Variants in PPP2R3C observed in about 807,000 individuals in gnomAD.
The protein encoded by PPP2R3C is serine/threonine-protein phosphatase 2A regulatory subunit B'' subunit gamma.
PPP2R3C carries 47 observed loss-of-function variants against 63.7 expected under a neutral mutation model. The ratio of observed to expected loss-of-function variants is 0.74; its 90% CI spans 0.58 to 0.94. The LOEUF is 0.94. PPP2R3C is among the 40% of genes least tolerant of loss of function. The probability of loss-of-function intolerance (pLI) is 0.00; values close to 1 mark genes in which losing one functional copy is unlikely to be tolerated. For synonymous variants in PPP2R3C, 180 were observed against 177.4 expected, an observed-to-expected ratio of 1.01 and a Z score of -0.12; for missense variants, 421 against 518.4, an observed-to-expected ratio of 0.81 and a Z score of 1.82.
Position 35,107,379 on chromosome 14 carries a change from CAATA to C in PPP2R3C, c.503-9_503-6del. 4 of 1,594,372 alleles carry C rather than the reference CAATA, an allele frequency of 2.5e-6. No individual in the cohort carries two copies. Among genetic ancestry groups the C allele is most frequent in the Non-Finnish European group, 2.6e-6 (3 of 1,162,412 alleles). ...TTCTTGTTTGATGAAGCCAAACTGA[CAATA>C]AACAAGAAAATGAAAGTAATTCTTA... On this transcript the variant is annotated splice_polypyrimidine_tract_variant and splice_region_variant and intron_variant, in intron 5 of 12. Transcript: ENST00000261475.
chr14:35,110,455 T>A, intron 3 of PPP2R3C, 70 bp downstream of exon 3: 1 of 1,059,466 alleles, frequency 9.4e-7, no homozygotes, highest in Non-Finnish European at 1.4e-6. Context: ...CACCAAGAAA[T>A]CCTGCATGAT....
intron 1 of PPP2R3C, chr14:35,117,196 C>CA (rs768689246): frequency 1.5e-4 from 69 of 453,728 alleles, no homozygotes; most frequent in Non-Finnish European, 2.7e-5. Flanking sequence ...AGAAAACAAA[C>CA]AAAAAAACTC....
At chr14:35,089,667 T>A (rs760896634) in intron 11 of PPP2R3C, among the ~76,000 whole-genome samples, 1 of 93,192 alleles carries the variant, frequency 1.1e-5, no homozygotes. Flanking sequence ...GATTTTTTAA[T>A]TTTTTTTTTT....
At chr14:35,114,348 G>A (rs1263870383) in intron 2 of PPP2R3C, among the ~76,000 whole-genome samples, 4 of 152,074 alleles carry the variant, frequency 2.6e-5, no homozygotes, top group African/African-American at 7.2e-5. Flanking sequence ...TTCTTAAAAG[G>A]TTGAGAAGTA....
rs567941907 is a variant in PPP2R3C at position 35,095,689 on chromosome 14, A to AAC, written c.839-506_839-505insGT. On this transcript the variant is annotated intron_variant, in intron 9 of 12. Transcript: ENST00000261475. ...CCGTCTCTACTAAAAAAAAAAACAA[A>AAC]AAAAAAAAACATTAGCCGGGTGTGG... 1.6e-3 allele frequency among the ~76,000 whole-genome samples: 244 copies of AAC among 150,990 alleles called. 1 individual carries two copies. The highest frequency in any genetic ancestry group is 2.7e-3 in the Non-Finnish European group (179 of 67,492).
intron 11 of PPP2R3C, among the ~76,000 whole-genome samples, chr14:35,088,994 G>A (rs1237295947): frequency 6.6e-6 from 1 of 152,146 alleles, no homozygotes; most frequent in East Asian, 1.9e-4. Flanking sequence ...ATTTTCTTAA[G>A]ACTGGATTTT....
At chr14:35,094,112 A>G (rs2045921610) in intron 10 of PPP2R3C, among the ~76,000 whole-genome samples, 1 of 152,228 alleles carries the variant, frequency 6.6e-6, no homozygotes, top group African/African-American at 2.4e-5. Context: ...GTGTTACTAC[A>G]TTTGACCTGG....
upstream of PPP2R3C, chr14:35,122,135 CG>C: frequency 1.7e-6 from 1 of 604,674 alleles, no homozygotes; most frequent in South Asian, 1.9e-5. Flanking sequence ...GTCACTGCCG[CG>C]GAGAATACCG....
Position 35,091,261 on chromosome 14 carries a change from A to G in PPP2R3C, c.976-54T>C, listed in dbSNP as rs983359619. On this transcript the variant is annotated intron_variant, in intron 10 of 12. Coordinates refer to ENST00000261475, the MANE Select transcript of PPP2R3C (RefSeq NM_017917.4). Reference sequence around the variant, plus strand: ...AGGCCTTAGTTGAAATTAACTTTCAAGTGAATATCTTATGATTTGAAGCTA... The same window carrying G: ...AGGCCTTAGTTGAAATTAACTTTCAGGTGAATATCTTATGATTTGAAGCTA... The G allele has an allele frequency of 1.2e-5, 17 of 1,468,322 alleles. No individual in the cohort carries two copies. The African/African-American group carries it at 1.4e-4, about 12-fold the overall frequency. 91.0% of individuals were successfully genotyped at this position (1,468,322 alleles called of 1,614,324 possible).
rs2045660543 is a variant in PPP2R3C at position 35,087,866 on chromosome 14, T to TATG, written c.1173+84_1173+85insCAT. 12 of 1,022,696 alleles carry TATG rather than the reference T, an allele frequency of 1.2e-5. No individual in the cohort carries two copies. In the South Asian group the frequency reaches 1.6e-4, roughly 14 times the overall value. 63.4% of individuals were successfully genotyped at this position (1,022,696 alleles called of 1,614,324 possible). Reference sequence around the variant, plus strand: ...ACACTTGATTCAAATAGTACTTCATTAGTTGCTTTCATATAAAATTTCATG... The same window carrying TATG: ...ACACTTGATTCAAATAGTACTTCATTATGAGTTGCTTTCATATAAAATTTCATG... On this transcript the variant is annotated intron_variant, in intron 12 of 12. Transcript: ENST00000261475.
At chr14:35,096,210 C>T (rs1236023415) in intron 9 of PPP2R3C, among the ~76,000 whole-genome samples, 1 of 150,250 alleles carries the variant, frequency 6.7e-6, no homozygotes, top group Admixed American at 6.7e-5. Context: ...AGGCATGGCG[C>T]CTGTAGACCC....
intron 5 of PPP2R3C, chr14:35,107,879 C>G (rs939226016): frequency 2.3e-6 from 1 of 431,428 alleles, no homozygotes; most frequent in East Asian, 3.5e-5. Context: ...AAAATTATTT[C>G]AAATTACCAT....
At chr14:35,120,590 C>A (rs929139449) in intron 1 of PPP2R3C, among the ~76,000 whole-genome samples, 26 of 152,220 alleles carry the variant, frequency 1.7e-4, no homozygotes, top group African/African-American at 6.3e-4. Context: ...AATACAAGTT[C>A]ATCAGCTTAA....
chr14:35,105,056 A>G (rs1015567096), intron 6 of PPP2R3C, among the ~76,000 whole-genome samples: 3 of 151,944 alleles, frequency 2.0e-5, no homozygotes, highest in African/African-American at 7.2e-5. Context: ...TCTTAAAAAA[A>G]AAAAAGCGGG....
intron 11 of PPP2R3C, among the ~76,000 whole-genome samples, chr14:35,090,785 G>A (rs1048524537): frequency 3.7e-4 from 52 of 139,676 alleles, no homozygotes; most frequent in African/African-American, 1.1e-3. Flanking sequence ...GCACGATCTC[G>A]GCTCACTGCA....
Position 35,085,717 on chromosome 14 carries a change from A to G in PPP2R3C, c.1235T>C (p.Ile412Thr). Residue 412 changes from isoleucine (I) to threonine (T), a missense_variant, in exon 13 of 13, where the codon ATC (isoleucine) becomes ACC (threonine). Physicochemically the swap from Ile to Thr is moderately conservative, Grantham distance 89. Transcript: ENST00000261475. ...TACTGTGTCTCCTTGATTACTGTTG[A>G]TTAAATCCTGAAGAGAGATTTTCAA... ...DPLKISLQDL[I>T]NSNQGDTVTT... 1 of 1,612,666 alleles carries G rather than the reference A, an allele frequency of 6.2e-7. No homozygotes were observed. Among genetic ancestry groups the G allele is most frequent in the Non-Finnish European group, 8.5e-7 (1 of 1,178,818 alleles).
At chr14:35,088,092 AT>A in intron 11 of PPP2R3C, 82 bp from the exon 12 acceptor site, 5 of 958,356 alleles carry the variant, frequency 5.2e-6, no homozygotes, top group Non-Finnish European at 8.4e-6. Context: ...CTTTCTACTT[AT>A]ACTTCCTTTC....
chr14:35,091,303 G>A, intron 10 of PPP2R3C, 96 bp from the exon 11 acceptor site: 3 of 1,205,068 alleles, frequency 2.5e-6, no homozygotes, highest in South Asian at 1.7e-5. Flanking sequence ...AATCAAAGGT[G>A]GCAAATTTAA....
Position 35,109,857 on chromosome 14 carries a change from G to C in PPP2R3C, c.366C>G (p.Asn122Lys), listed in dbSNP as rs2046491373. 2.5e-6 allele frequency: 4 copies of C among 1,610,280 alleles called. No individual in the cohort carries two copies. In the East Asian group the frequency reaches 8.9e-5, roughly 36 times the overall value. The change falls in exon 4 of 13, where the codon AAC (asparagine) becomes AAG (lysine). Residue 122 changes from asparagine (N) to lysine (K), a missense_variant. By Grantham distance (94) the Asn-to-Lys change is moderately conservative. Transcript: ENST00000261475. The stretch of plus-strand genomic sequence containing the variant: ...CAGCCTTTTCACCAACCTTCAAAAA[G>C]TTTTCGTAATTGATCATCGCTTCCT... ...IGEEAMINYE[N>K]FLKVGEKAGA...
Sources: gnomAD v4.1 joint callset for allele counts (sites outside exome capture counted in the v4.1 genomes callset) on GRCh38, gnomAD v4.1.1 for gene constraint, MANE v1.5 for transcripts, NCBI Gene and HGNC (gene_info 2026-07-23, HGNC 2026-07-21) for gene names.